Variants in IRAG2 observed in about 807,000 individuals in gnomAD.
IRAG2 encodes the protein inositol 1,4,5-triphosphate receptor associated 2.
Under a neutral mutation model 69.9 loss-of-function variants are expected in IRAG2, and 45 were observed. The observed-to-expected ratio is 0.64, with a 90% CI of 0.51 to 0.83. IRAG2 has a LOEUF of 0.83. Ranked by LOEUF, IRAG2 falls within the 40% of genes least tolerant of loss-of-function variation. The pLI, the probability that IRAG2 is intolerant of heterozygous loss-of-function variation, is 0.00. For synonymous variants in IRAG2, 193 were observed against 202.4 expected (o/e 0.95, Z 0.40); for missense variants, 520 against 587.0 (o/e 0.89, Z 1.18).
At chr12:25,026,297 T>G (rs921282939) in intron 8 of IRAG2, among the ~76,000 whole-genome samples, 2 of 152,162 alleles carry the variant, frequency 1.3e-5, no homozygotes, top group African/African-American at 4.8e-5. Flanking sequence ...TTTAAGCATG[T>G]TCATCTGAAA....
chr12:25,077,451 T>G (rs1317621027), intron 6 of IRAG2, among the ~76,000 whole-genome samples: 2 of 144,746 alleles, frequency 1.4e-5, no homozygotes, highest in Non-Finnish European at 3.0e-5. Context: ...CTAATATAAT[T>G]TATTTAAATA....
exon 2 of IRAG2, chr12:25,005,282 T>C (rs1038241688): frequency 2.4e-6 from 3 of 1,231,186 alleles, no homozygotes; most frequent in African/African-American, 3.1e-5. Context: ...AGATGTAATA[T>C]ACAGCATCAA....
At chr12:25,082,036 G>A (rs955696532) in intron 9 of IRAG2, among the ~76,000 whole-genome samples, 3 of 152,072 alleles carry the variant, frequency 2.0e-5, no homozygotes, top group South Asian at 2.1e-4. Context: ...TTGGGACTAC[G>A]GGTGCAAGCC....
intron 6 of IRAG2, among the ~76,000 whole-genome samples, chr12:25,019,023 C>T (rs77528264): frequency 5.1e-4 from 78 of 152,268 alleles, no homozygotes; most frequent in Admixed American, 2.9e-3. Flanking sequence ...GACTTGCAAC[C>T]GGGATGGCTT....
intron 10 of IRAG2, among the ~76,000 whole-genome samples, chr12:25,087,180 T>TTTTTTTTTTTTTTTTGTTG (rs1450270058): frequency 7.2e-5 from 9 of 125,228 alleles, no homozygotes; most frequent in African/African-American, 2.8e-4. Flanking sequence ...TTTTTTTTTT[T>TTTTTTTTTTTTTTTTGTTG]TTGTTGAGAC....
At chr12:25,070,937 A>G (rs1946299249) in intron 6 of IRAG2, among the ~76,000 whole-genome samples, 2 of 152,130 alleles carry the variant, frequency 1.3e-5, no homozygotes, top group African/African-American at 2.4e-5. Flanking sequence ...TTCTTTGGAG[A>G]CAAGTCTACT....
the IRAG2 span, among the ~76,000 whole-genome samples, chr12:24,997,937 T>C: frequency 6.6e-6 from 1 of 152,232 alleles, no homozygotes; most frequent in African/African-American, 2.4e-5. Context: ...AAATCTCAAA[T>C]TGTTTTCAAT....
intron 8 of IRAG2, among the ~76,000 whole-genome samples, chr12:25,025,452 G>A (rs980487714): frequency 6.6e-6 from 1 of 152,168 alleles, no homozygotes; most frequent in South Asian, 2.1e-4. Context: ...AGAGCTGGAG[G>A]GTCCAGACAC....
At position 25,047,161 on chromosome 12, in the gene IRAG2, C is replaced by T. The variant is rs1218035137; in HGVS notation, c.2145-5074C>T. 6.6e-5 allele frequency among the ~76,000 whole-genome samples: 10 copies of T among 152,192 alleles called. No homozygotes were observed. In the East Asian group the frequency reaches 1.9e-3, roughly 29 times the overall value. ...TGAAATTGGACTCTTATACCATAAA[C>T]AAAAATCAATTAAAAATGGATTAAA... On this transcript the variant is annotated intron_variant, in intron 16 of 38. Coordinates refer to the IRAG2 transcript ENST00000636465.
chr12:25,053,010 C>A (rs1944942754), intron 1 of IRAG2, 54 bp downstream of exon 1: 1 of 398,062 alleles, frequency 2.5e-6, no homozygotes, highest in African/African-American at 2.1e-5. Context: ...TCAGGCGGGG[C>A]ATAGGACTAC....
At chr12:25,101,409 T>C in intron 16 of IRAG2, 84 bp downstream of exon 16, 1 of 908,114 alleles carries the variant, frequency 1.1e-6, no homozygotes, top group South Asian at 2.7e-5. Context: ...TACTTCAGTA[T>C]AATAAAACTC....
intron 10 of IRAG2, among the ~76,000 whole-genome samples, chr12:25,085,037 C>T (rs1266227154): frequency 1.3e-5 from 2 of 152,260 alleles, no homozygotes; most frequent in Admixed American, 6.5e-5. Flanking sequence ...GGGCTCTGCC[C>T]CCTGGCAGCA....
chr12:25,005,265 GT>G lies in IRAG2; in HGVS notation c.600del (p.Glu202LysfsTer3). On this transcript the variant is annotated frameshift_variant, in exon 2 of 39. Coordinates refer to the IRAG2 transcript ENST00000636465. LOFTEE classifies it high-confidence loss of function. ...GGATGGAAACAAGAAGCTGATGATG[GT>G]AAAGAAGATGTAATATACAGCATCA... The G allele has an allele frequency of 8.1e-7, 1 of 1,229,722 alleles. No homozygotes were observed. Among genetic ancestry groups the G allele is most frequent in the Non-Finnish European group, 1.0e-6 (1 of 985,836 alleles). 76.2% of individuals were successfully genotyped at this position (1,229,722 alleles called of 1,614,324 possible). A position where few individuals can be genotyped will look rare whatever the true frequency, so the allele number is the denominator to read the frequency against.
upstream of IRAG2, among the ~76,000 whole-genome samples, chr12:25,002,460 A>T (rs1256580080): frequency 6.6e-6 from 1 of 152,222 alleles, no homozygotes; most frequent in Non-Finnish European, 1.5e-5. Context: ...GCATGCACAC[A>T]CATTGGAAAC....
intron 14 of IRAG2, chr12:25,090,817 C>T: frequency 2.2e-6 from 1 of 450,602 alleles, no homozygotes; most frequent in Admixed American, 2.4e-5. Flanking sequence ...AAATTTCAGG[C>T]AGAAAAGGAA....
chr12:25,062,579 CAA>C (rs1945701076), intron 2 of IRAG2, among the ~76,000 whole-genome samples: 1 of 152,230 alleles, frequency 6.6e-6, no homozygotes, highest in African/African-American at 2.4e-5. Context: ...ATTTCAGTGA[CAA>C]AGCCATTCAG....
chr12:25,052,310 C>T, upstream of IRAG2: 2 of 397,722 alleles, frequency 5.0e-6, no homozygotes, highest in Non-Finnish European at 4.4e-6. Context: ...GGAAGAGGCT[C>T]CAAGAAACCA....
chr12:25,017,205 A>G, exon 6 of IRAG2: 1 of 1,232,156 alleles, frequency 8.1e-7, no homozygotes, highest in East Asian at 3.2e-5. Flanking sequence ...GAAGAAAATA[A>G]TAAGTTTAAG....
At chr12:25,087,660 G>T (rs941689509) in intron 10 of IRAG2, among the ~76,000 whole-genome samples, 3 of 152,102 alleles carry the variant, frequency 2.0e-5, no homozygotes, top group Middle Eastern at 6.8e-3. Flanking sequence ...TGTAGAGCAG[G>T]GGTCCCCAGT....
Sources: allele counts gnomAD v4.1 joint callset (sites outside exome capture counted in the v4.1 genomes callset), GRCh38; gene constraint gnomAD v4.1.1; transcripts MANE v1.5; gene names NCBI Gene and HGNC (gene_info 2026-07-23, HGNC 2026-07-21).